The following FRMD4B variants were observed in gnomAD, a reference collection of about 807,000 sequenced individuals.
FRMD4B encodes FERM domain containing 4B.
Under a neutral mutation model 141.5 loss-of-function variants are expected in FRMD4B, and 74 were observed. The ratio of observed to expected loss-of-function variants is 0.52; its 90% CI spans 0.43 to 0.63. FRMD4B has a LOEUF of 0.63. Ranked by LOEUF, FRMD4B falls within the 30% of genes least tolerant of loss-of-function variation. FRMD4B has a pLI of 0.00. For missense variants in FRMD4B, 1,366 were observed against 1,253.4 expected (o/e 1.09, Z -1.36); for synonymous variants, 506 against 467.9 (o/e 1.08, Z -1.05).
At chr3:69,394,572 G>A (rs762407230) in intron 2 of FRMD4B, among the ~76,000 whole-genome samples, 3 of 152,318 alleles carry the variant, frequency 2.0e-5, no homozygotes, top group Middle Eastern at 3.4e-3. Flanking sequence ...GTTGGTGGGA[G>A]TGTAAATTAG....
At chr3:69,176,450 G>C (rs957440062) in intron 22 of FRMD4B, 74 bp downstream of exon 22, 5 of 1,284,872 alleles carry the variant, frequency 3.9e-6, no homozygotes, top group Non-Finnish European at 5.6e-6. Context: ...ATTATCTGAC[G>C]TTTGTAAATT....
At chr3:69,442,813 G>C (rs1045862849) in intron 1 of FRMD4B, among the ~76,000 whole-genome samples, 1 of 152,168 alleles carries the variant, frequency 6.6e-6, no homozygotes, top group Non-Finnish European at 1.5e-5. Flanking sequence ...AGCTCAAACA[G>C]GCAGTGAGGA....
intron 1 of FRMD4B, among the ~76,000 whole-genome samples, chr3:69,511,744 C>CCT (rs1706692304): frequency 6.6e-6 from 1 of 152,198 alleles, no homozygotes; most frequent in Non-Finnish European, 1.5e-5. Context: ...TCTTCCTTCC[C>CCT]CTTCTCCTTT....
At chr3:69,316,229 C>T (rs924309698) in intron 1 of FRMD4B, among the ~76,000 whole-genome samples, 1 of 152,194 alleles carries the variant, frequency 6.6e-6, no homozygotes, top group African/African-American at 2.4e-5. Flanking sequence ...TTTACTTTGT[C>T]TCATGGCCTA....
At chr3:69,404,191 C>CA (rs1168388773) in intron 2 of FRMD4B, among the ~76,000 whole-genome samples, 1 of 152,154 alleles carries the variant, frequency 6.6e-6, no homozygotes, top group African/African-American at 2.4e-5. Flanking sequence ...ACCAATGTGC[C>CA]TGGTCTCCTA....
intron 5 of FRMD4B, among the ~76,000 whole-genome samples, chr3:69,282,558 G>A (rs1405294302): frequency 2.0e-5 from 3 of 152,214 alleles, no homozygotes; most frequent in Non-Finnish European, 4.4e-5. Flanking sequence ...TACATCTTAA[G>A]AAATTGCTTG....
chr3:69,529,956 C>A (rs549955046), intron 1 of FRMD4B, among the ~76,000 whole-genome samples: 1 of 152,320 alleles, frequency 6.6e-6, no homozygotes, highest in South Asian at 2.1e-4. Flanking sequence ...AATCACCTAC[C>A]TATTTAGACT....
chr3:69,441,515 T>A (rs1705342046), intron 1 of FRMD4B, among the ~76,000 whole-genome samples: 1 of 152,206 alleles, frequency 6.6e-6, no homozygotes, highest in Non-Finnish European at 1.5e-5. Flanking sequence ...CATAGCTTCT[T>A]TATTTCTTCA....
In FRMD4B at chr3:69,446,764, A is replaced by G. The variant is rs1026995094; in HGVS notation, c.-128-14003T>C. Among the ~76,000 whole-genome samples the G allele has an allele frequency of 2.0e-5, 3 of 152,260 alleles. No homozygotes were observed. In the Middle Eastern group the frequency reaches 0.01, roughly 521 times the overall value. On this transcript the variant is annotated intron_variant, in intron 1 of 5. Coordinates refer to the FRMD4B transcript ENST00000459638. The stretch of plus-strand genomic sequence containing the variant: ...TATCTCACTCTCTGTGAATATCCTC[A>G]TTGTCACCCCACAACTAGTTTAGAA...
chr3:69,319,857 A>T (rs1398097890), intron 1 of FRMD4B, among the ~76,000 whole-genome samples: 3 of 152,212 alleles, frequency 2.0e-5, no homozygotes, highest in Admixed American at 2.0e-4. Flanking sequence ...ATGGTGAGAA[A>T]ACTTCCCACG....
At chr3:69,420,771 A>G (rs1480347818) in intron 2 of FRMD4B, among the ~76,000 whole-genome samples, 1 of 152,230 alleles carries the variant, frequency 6.6e-6, no homozygotes, top group Non-Finnish European at 1.5e-5. Context: ...CTCTGGCCTA[A>G]GATTTAATTG....
rs1379183974 is a variant in FRMD4B, at chr3:69,170,176, G to A, written c.*1685C>T. The A allele has an allele frequency of 2.6e-5, 4 of 152,054 alleles. No individual in the cohort carries two copies. Among genetic ancestry groups the A allele is most frequent in the Non-Finnish European group, 4.4e-5 (3 of 68,034 alleles). 9.4% of individuals were successfully genotyped at this position (152,054 alleles called of 1,614,324 possible). ...ACGGTAATACTATAAATAAAAATCC[G>A]AAGCCTTGCCCAATATGATTACTTG... On this transcript the variant is annotated 3_prime_UTR_variant, in exon 23 of 23. Coordinates refer to ENST00000398540, the MANE Select transcript of FRMD4B (RefSeq NM_015123.3).
chr3:69,508,622 T>C (rs1432770895), intron 1 of FRMD4B, among the ~76,000 whole-genome samples: 4 of 152,148 alleles, frequency 2.6e-5, no homozygotes, highest in Admixed American at 2.0e-4. Context: ...CAGATAAAGC[T>C]TGGAGGAATA....
At chr3:69,283,975 C>CAAAACAAAAAAAA (rs2093655819) in intron 5 of FRMD4B, among the ~76,000 whole-genome samples, 1 of 147,272 alleles carries the variant, frequency 6.8e-6, no homozygotes. Context: ...CAAAACAAAA[C>CAAAACAAAAAAAA]AAAAAAAACA....
chr3:69,276,916 G>T (rs2093620506), intron 5 of FRMD4B, among the ~76,000 whole-genome samples: 1 of 152,214 alleles, frequency 6.6e-6, no homozygotes, highest in South Asian at 2.1e-4. Context: ...AGTGAGCCGA[G>T]ATTGTGCCAC....
intron 1 of FRMD4B, among the ~76,000 whole-genome samples, chr3:69,314,395 T>C (rs1344694566): frequency 6.7e-6 from 1 of 149,668 alleles, no homozygotes; most frequent in Non-Finnish European, 1.5e-5. Context: ...AGGCATGTGG[T>C]GCACACTTGT....
At chr3:69,262,842 A>G (rs2093536757) in intron 5 of FRMD4B, among the ~76,000 whole-genome samples, 1 of 152,220 alleles carries the variant, frequency 6.6e-6, no homozygotes, top group African/African-American at 2.4e-5. Context: ...AGCTACATAC[A>G]AGAATATGGA....
chr3:69,365,507 T>TTTGTTTTG lies in FRMD4B; in HGVS notation c.162+20320_162+20321insCAAAACAA, dbSNP rs1362305417. ...TAGCATAAATAGATACAACCTTTGT[T>TTTGTTTTG]TTTTTTCTTTTTTTTGAGATGGAGT... is the stretch of plus-strand genomic sequence containing the variant. On this transcript the variant is annotated intron_variant, in intron 1 of 22. Coordinates refer to ENST00000398540, the MANE Select transcript of FRMD4B (RefSeq NM_015123.3). Among the ~76,000 whole-genome samples, 28 of 139,622 alleles carry TTTGTTTTG rather than the reference T, an allele frequency of 2.0e-4. 1 individual carries two copies. The highest frequency in any genetic ancestry group is 5.5e-4 in the Admixed American group (8 of 14,434). 91.6% of individuals were successfully genotyped at this position (139,622 alleles called of 152,430 possible). A position where few individuals can be genotyped will look rare whatever the true frequency, so the allele number is the denominator to read the frequency against.
chr3:69,408,310 T>C (rs1436886118), intron 2 of FRMD4B, among the ~76,000 whole-genome samples: 1 of 152,166 alleles, frequency 6.6e-6, no homozygotes, highest in African/African-American at 2.4e-5. Flanking sequence ...CAATTAATAG[T>C]CTGTAATGCA....
Sources: allele counts gnomAD v4.1 joint callset (sites outside exome capture counted in the v4.1 genomes callset), GRCh38; gene constraint gnomAD v4.1.1; transcripts MANE v1.5; gene names NCBI Gene and HGNC (gene_info 2026-07-23, HGNC 2026-07-21).